Variants in SLIT3 observed in about 807,000 individuals in gnomAD.
The protein encoded by SLIT3 is slit homolog 3 protein.
In SLIT3, 68 loss-of-function variants were observed where a neutral mutation model predicts 184.0. That is an observed-to-expected ratio of 0.37 (90% CI 0.30 to 0.45). SLIT3 has a LOEUF of 0.45. Ranked by LOEUF, SLIT3 falls within the 20% of genes least tolerant of loss-of-function variation. SLIT3 has a pLI of 1.00. For missense variants in SLIT3, 1,707 were observed against 2,026.0 expected, an observed-to-expected ratio of 0.84 and a Z score of 3.02; for synonymous variants, 831 against 828.6, an observed-to-expected ratio of 1.00 and a Z score of -0.05.
chr5:169,109,956 C>T (rs1760354171), intron 4 of SLIT3, among the ~76,000 whole-genome samples: 2 of 152,164 alleles, frequency 1.3e-5, no homozygotes, highest in South Asian at 4.1e-4. Flanking sequence ...TATCAAGATC[C>T]TCTTTTCATC....
intron 1 of SLIT3, among the ~76,000 whole-genome samples, chr5:169,286,947 A>G (rs1767167635): frequency 6.6e-6 from 1 of 152,268 alleles, no homozygotes. Flanking sequence ...ATCAGCATGC[A>G]GCTCCAGTCA....
At chr5:169,160,648 T>C (rs536928347) in intron 4 of SLIT3, among the ~76,000 whole-genome samples, 163 of 152,360 alleles carry the variant, frequency 1.1e-3, no homozygotes, top group Middle Eastern at 3.4e-3. Context: ...GGACTTGAGA[T>C]AAGCTGGAGG....
chr5:169,217,821 A>T (rs1764495635), intron 3 of SLIT3, among the ~76,000 whole-genome samples: 1 of 152,230 alleles, frequency 6.6e-6, no homozygotes, highest in Non-Finnish European at 1.5e-5. Context: ...GTGGTAAAAA[A>T]GGATCATTGA....
In SLIT3 at chr5:168,807,904, A is replaced by G. The variant is rs545605022; in HGVS notation, c.794-1317T>C. Reference sequence around the variant, plus strand: ...GAAGGTGGTGCGCTCTCCGCGTTCAATAGTCCTCGTGGCCCCAAGGGTGGA... The same window carrying G: ...GAAGGTGGTGCGCTCTCCGCGTTCAGTAGTCCTCGTGGCCCCAAGGGTGGA... On this transcript the variant is annotated intron_variant, in intron 8 of 35. Transcript: ENST00000519560. 2.0e-5 allele frequency among the ~76,000 whole-genome samples: 3 copies of G among 152,260 alleles called. No homozygotes were observed. The South Asian group carries it at 6.2e-4, about 32-fold the overall frequency.
intron 1 of SLIT3, among the ~76,000 whole-genome samples, chr5:169,294,611 A>G (rs570521539): frequency 1.3e-5 from 2 of 152,352 alleles, no homozygotes; most frequent in South Asian, 4.1e-4. Context: ...GAAGATATAA[A>G]GGTAATAGCC....
At position 168,766,640 on chromosome 5, in the gene SLIT3, A is replaced by C. The variant is rs1397652296; in HGVS notation, c.1460-3951T>G. On this transcript the variant is annotated intron_variant, in intron 14 of 35. Coordinates refer to ENST00000519560, the MANE Select transcript of SLIT3 (RefSeq NM_003062.4). ...CATCACAGCCTGTGGCTGCGGGGCC[A>C]GTAAAGCACTGATGGAAGGGCACCA... 5.9e-5 allele frequency among the ~76,000 whole-genome samples: 9 copies of C among 152,350 alleles called. No homozygotes were observed. In the East Asian group the frequency reaches 1.7e-3, roughly 29 times the overall value.
At chr5:168,950,432 A>G (rs1220615458) in intron 4 of SLIT3, among the ~76,000 whole-genome samples, 1 of 152,240 alleles carries the variant, frequency 6.6e-6, no homozygotes, top group Non-Finnish European at 1.5e-5. Flanking sequence ...GTTAATATAT[A>G]GAGCAGAGGA....
chr5:169,278,307 G>A (rs1312543061), intron 1 of SLIT3, among the ~76,000 whole-genome samples: 2 of 152,182 alleles, frequency 1.3e-5, no homozygotes, highest in Non-Finnish European at 1.5e-5. Flanking sequence ...GAATCAGGAA[G>A]CCCACTTGGT....
At chr5:169,285,936 G>C (rs543708145) in intron 1 of SLIT3, among the ~76,000 whole-genome samples, 2 of 152,336 alleles carry the variant, frequency 1.3e-5, no homozygotes, top group Admixed American at 6.5e-5. Flanking sequence ...CTACGACGTA[G>C]AGAATCATTG....
chr5:168,909,887 C>T (rs1193929110), intron 4 of SLIT3, among the ~76,000 whole-genome samples: 11 of 152,214 alleles, frequency 7.2e-5, no homozygotes, highest in Non-Finnish European at 1.5e-5. Context: ...AGGTTCAAGT[C>T]TGAGCCACAT....
intron 4 of SLIT3, among the ~76,000 whole-genome samples, chr5:169,162,289 G>A (rs1042551221): frequency 6.6e-6 from 1 of 152,182 alleles, no homozygotes; most frequent in Non-Finnish European, 1.5e-5. Context: ...AGAAACTGGT[G>A]GGTAGGTTCA....
At chr5:168,870,362 C>T (rs1355873961) in intron 5 of SLIT3, among the ~76,000 whole-genome samples, 1 of 152,198 alleles carries the variant, frequency 6.6e-6, no homozygotes, top group African/African-American at 2.4e-5. Context: ...CCTAACCAGT[C>T]CCAAGGATAT....
At position 169,187,111 on chromosome 5, in the gene SLIT3, G is replaced by GTTTTT. The variant is rs761501769; in HGVS notation, c.413+6363_413+6367dup. The stretch of plus-strand genomic sequence containing the variant: ...AGTACAACTGCTTATGCAGCTATAG[G>GTTTTT]TTTTTTTTTTTTTTTTTTTTTGAGA... On this transcript the variant is annotated intron_variant, in intron 4 of 35. Transcript: ENST00000519560. Among the ~76,000 whole-genome samples the GTTTTT allele has an allele frequency of 3.1e-3, 293 of 94,412 alleles. 24 individuals are homozygous for GTTTTT. Among genetic ancestry groups the GTTTTT allele is most frequent in the South Asian group, 0.011 (27 of 2,530 alleles). The allele number at this position is 94,412 out of a possible 152,430, so 61.9% of individuals were successfully genotyped here. A position where few individuals can be genotyped will look rare whatever the true frequency, so the allele number is the denominator to read the frequency against.
chr5:169,258,601 C>T (rs183094379), intron 1 of SLIT3, among the ~76,000 whole-genome samples: 73 of 152,306 alleles, frequency 4.8e-4, no homozygotes, highest in Non-Finnish European at 1.6e-4. Context: ...TTCCCCATCC[C>T]AATCAGTGAA....
At chr5:168,970,496 A>C (rs1169073021) in intron 4 of SLIT3, among the ~76,000 whole-genome samples, 10 of 107,632 alleles carry the variant, frequency 9.3e-5, no homozygotes, top group Non-Finnish European at 1.8e-4. Context: ...ACTCTGTCTC[A>C]AATAAAAAAA....
intron 5 of SLIT3, among the ~76,000 whole-genome samples, chr5:168,849,149 T>G (rs1758587166): frequency 6.6e-6 from 1 of 152,206 alleles, no homozygotes; most frequent in South Asian, 2.1e-4. Context: ...GAAATAGGCT[T>G]TGGGTATCTG....
chr5:169,001,479 C>CT (rs1312584265), intron 4 of SLIT3, among the ~76,000 whole-genome samples: 4 of 151,898 alleles, frequency 2.6e-5, no homozygotes, highest in African/African-American at 4.8e-5. Context: ...CGGGTCACGT[C>CT]TTTTTTTTCC....
chr5:168,920,576 G>C (rs1041493581), intron 4 of SLIT3, among the ~76,000 whole-genome samples: 1 of 152,176 alleles, frequency 6.6e-6, no homozygotes, highest in Non-Finnish European at 1.5e-5. Flanking sequence ...TCCTTATTCA[G>C]TTTTAATGCG....
intron 4 of SLIT3, among the ~76,000 whole-genome samples, chr5:168,948,826 G>A (rs191270535): frequency 6.6e-6 from 1 of 152,188 alleles, no homozygotes; most frequent in African/African-American, 2.4e-5. Context: ...AGCACCGCAG[G>A]GCTCTGCTAA....
Sources: gnomAD v4.1 joint callset for allele counts (sites outside exome capture counted in the v4.1 genomes callset) on GRCh38, gnomAD v4.1.1 for gene constraint, MANE v1.5 for transcripts, NCBI Gene and HGNC (gene_info 2026-07-23, HGNC 2026-07-21) for gene names.